The following APPBP2 variants were observed in gnomAD, a reference collection of about 807,000 sequenced individuals.
APPBP2 encodes amyloid beta precursor protein binding protein 2.
Under a neutral mutation model 76.0 loss-of-function variants are expected in APPBP2, and 15 were observed. The observed-to-expected ratio is 0.20, with a 90% CI of 0.13 to 0.30. APPBP2 has a LOEUF of 0.30. APPBP2 is among the 10% of genes least tolerant of loss of function. The probability of loss-of-function intolerance (pLI) is 1.00; values close to 1 mark genes in which losing one functional copy is unlikely to be tolerated. For missense variants in APPBP2, 401 were observed against 687.2 expected, an observed-to-expected ratio of 0.58 and a Z score of 4.66; for synonymous variants, 222 against 242.2, an observed-to-expected ratio of 0.92 and a Z score of 0.77.
At position 60,469,746 on chromosome 17, in the gene APPBP2, T is replaced by C. The variant is rs374467079; in HGVS notation, c.504-3287A>G. 1.7e-3 allele frequency among the ~76,000 whole-genome samples: 253 copies of C among 152,356 alleles called. 11 individuals are homozygous for C. In the South Asian group the frequency reaches 0.051, roughly 31 times the overall value. On this transcript the variant is annotated intron_variant, in intron 4 of 12. Transcript: ENST00000083182. ...GGCTGAATCATTGTATGTGTATATATGTAAATGCCAAATTTTGTGTATCTA... is the reference window on the plus strand; with the variant it reads ...GGCTGAATCATTGTATGTGTATATACGTAAATGCCAAATTTTGTGTATCTA...
intron 1 of APPBP2, among the ~76,000 whole-genome samples, chr17:60,511,615 C>T (rs1379288926): frequency 6.7e-6 from 1 of 148,926 alleles, no homozygotes; most frequent in Non-Finnish European, 1.5e-5. Context: ...AAAAAGAAAA[C>T]ACTTCCTGTC....
chr17:60,499,468 G>A lies in APPBP2; in HGVS notation c.227+931C>T, dbSNP rs150454190. Among the ~76,000 whole-genome samples the A allele has an allele frequency of 6.2e-3, 947 of 152,308 alleles. 9 individuals are homozygous for A. The highest frequency in any genetic ancestry group is 0.021 in the African/African-American group (886 of 41,560). On this transcript the variant is annotated intron_variant, in intron 2 of 12. Coordinates refer to ENST00000083182, the MANE Select transcript of APPBP2 (RefSeq NM_006380.5). The stretch of plus-strand genomic sequence containing the variant: ...AAACGAGGATCCCTTGAGCCCAGGA[G>A]TTCGAGGGCAGCCTGTACAACATAG...
Position 60,509,577 on chromosome 17 carries a change from C to T in APPBP2, c.139-9090G>A, listed in dbSNP as rs567719346. Among the ~76,000 whole-genome samples the T allele has an allele frequency of 5.9e-5, 9 of 152,058 alleles. No individual in the cohort carries two copies. In the South Asian group the frequency reaches 8.3e-4, roughly 14 times the overall value. ...CAGCACCTTAGGAGGCCTAGGCAGGCGGATCACCTGAGGTTGGGAGTTTGA... is the reference window on the plus strand; with the variant it reads ...CAGCACCTTAGGAGGCCTAGGCAGGTGGATCACCTGAGGTTGGGAGTTTGA... On this transcript the variant is annotated intron_variant, in intron 1 of 12. Coordinates refer to ENST00000083182, the MANE Select transcript of APPBP2 (RefSeq NM_006380.5).
intron 3 of APPBP2, among the ~76,000 whole-genome samples, chr17:60,479,925 C>G (rs139125230): frequency 6.6e-6 from 1 of 152,126 alleles, no homozygotes; most frequent in Non-Finnish European, 1.5e-5. Flanking sequence ...CCCAACGTAA[C>G]AGATGAAAAC....
intron 3 of APPBP2, among the ~76,000 whole-genome samples, chr17:60,490,615 T>C (rs1332538214): frequency 6.6e-6 from 1 of 152,200 alleles, no homozygotes; most frequent in African/African-American, 2.4e-5. Context: ...TACAGTGAGC[T>C]ATGATTGTTG....
At chr17:60,447,957 G>A (rs139409168) in intron 12 of APPBP2, 123 bp from the exon 13 acceptor site, 2 of 861,592 alleles carry the variant, frequency 2.3e-6, no homozygotes, top group African/African-American at 3.4e-5. Flanking sequence ...TCCCCTGAAA[G>A]GAATAGATAT....
chr17:60,513,329 G>A, intron 1 of APPBP2: 2 of 592,648 alleles, frequency 3.4e-6, no homozygotes, highest in South Asian at 2.0e-5. Flanking sequence ...AAATCAGAGT[G>A]GAAAACACAC....
chr17:60,517,866 T>C (rs2090975475), intron 1 of APPBP2, among the ~76,000 whole-genome samples: 1 of 152,238 alleles, frequency 6.6e-6, no homozygotes, highest in South Asian at 2.1e-4. Flanking sequence ...TTTGAATTTG[T>C]ATTTCAGTTG....
At chr17:60,512,619 G>C (rs1284811117) in intron 1 of APPBP2, among the ~76,000 whole-genome samples, 1 of 151,122 alleles carries the variant, frequency 6.6e-6, no homozygotes, top group Non-Finnish European at 1.5e-5. Context: ...GGAGGATCAC[G>C]AGGTCAGAAG....
At position 60,475,659 on chromosome 17, in the gene APPBP2, A is replaced by ACACACG. The variant is rs1403876589; in HGVS notation, c.503+3488_503+3489insCGTGTG. Among the ~76,000 whole-genome samples the ACACACG allele has an allele frequency of 1.1e-3, 164 of 143,888 alleles. 1 individual carries two copies. Among genetic ancestry groups the ACACACG allele is most frequent in the African/African-American group, 4.3e-3 (160 of 37,174 alleles). 94.4% of individuals were successfully genotyped at this position (143,888 alleles called of 152,430 possible). A position where few individuals can be genotyped will look rare whatever the true frequency, so the allele number is the denominator to read the frequency against. The stretch of plus-strand genomic sequence containing the variant: ...CATTCAACTCTTTATACACACACAC[A>ACACACG]CACACACACACACACACACACACAC... On this transcript the variant is annotated intron_variant, in intron 4 of 12. Coordinates refer to ENST00000083182, the MANE Select transcript of APPBP2 (RefSeq NM_006380.5).
intron 9 of APPBP2, chr17:60,459,684 A>G (rs985917216): frequency 3.3e-5 from 5 of 151,810 alleles, no homozygotes; most frequent in South Asian, 2.1e-4. Context: ...TAGAGATGGC[A>G]TTTCATCGTC....
In APPBP2 at chr17:60,447,507, C is replaced by G; in HGVS notation, c.*74G>C. ...CAATGCAAATTCCAGCCCCCCAAAA[C>G]AACATGGTTTTGATTTCACAGTATG... On this transcript the variant is annotated 3_prime_UTR_variant, in exon 13 of 13. Coordinates refer to ENST00000083182, the MANE Select transcript of APPBP2 (RefSeq NM_006380.5). The G allele has an allele frequency of 3.3e-6, 5 of 1,514,820 alleles. No individual in the cohort carries two copies. The South Asian group carries it at 6.6e-5, about 20-fold the overall frequency. 93.8% of individuals were successfully genotyped at this position (1,514,820 alleles called of 1,614,324 possible).
chr17:60,471,427 A>G (rs977744865), intron 4 of APPBP2, among the ~76,000 whole-genome samples: 1 of 152,118 alleles, frequency 6.6e-6, no homozygotes, highest in Non-Finnish European at 1.5e-5. Flanking sequence ...CTTTCACTAT[A>G]GAGTATGATG....
intron 3 of APPBP2, among the ~76,000 whole-genome samples, chr17:60,488,267 T>C (rs751974209): frequency 5.3e-5 from 8 of 152,300 alleles, no homozygotes; most frequent in Admixed American, 2.6e-4. Flanking sequence ...CAGACAGGGA[T>C]GTTTAAGTCT....
At chr17:60,465,065 C>G (rs1370117122) in intron 5 of APPBP2, 1 of 152,036 alleles carries the variant, frequency 6.6e-6, no homozygotes, top group East Asian at 1.9e-4. Flanking sequence ...ACAAGTGTGG[C>G]CATGTGATTT....
chr17:60,516,576 A>AAT (rs2090965858), intron 1 of APPBP2, among the ~76,000 whole-genome samples: 1 of 152,198 alleles, frequency 6.6e-6, no homozygotes, highest in Non-Finnish European at 1.5e-5. Flanking sequence ...TTCATTGTGT[A>AAT]ATATTCTACT....
intron 3 of APPBP2, among the ~76,000 whole-genome samples, chr17:60,493,977 A>C (rs963365053): frequency 6.6e-6 from 1 of 152,138 alleles, no homozygotes; most frequent in Non-Finnish European, 1.5e-5. Flanking sequence ...TTGCTTTTAC[A>C]TTTCTTTTCA....
intron 1 of APPBP2, among the ~76,000 whole-genome samples, chr17:60,504,278 T>G (rs910704999): frequency 6.6e-6 from 1 of 152,076 alleles, no homozygotes; most frequent in Non-Finnish European, 1.5e-5. Flanking sequence ...CCACCAGATA[T>G]AAAAACAGAT....
chr17:60,517,199 A>G (rs754167968), intron 1 of APPBP2, among the ~76,000 whole-genome samples: 1 of 150,548 alleles, frequency 6.6e-6, no homozygotes, highest in Non-Finnish European at 1.5e-5. Context: ...CTGGTCTTGA[A>G]CTCCTGACCT....
Sources: gnomAD v4.1 joint callset for allele counts (sites outside exome capture counted in the v4.1 genomes callset) on GRCh38, gnomAD v4.1.1 for gene constraint, MANE v1.5 for transcripts, NCBI Gene and HGNC (gene_info 2026-07-23, HGNC 2026-07-21) for gene names.